C12orf54: variants seen among roughly 807,000 people sequenced by gnomAD.
C12orf54 encodes the protein chromosome 12 open reading frame 54.
Under a neutral mutation model 26.4 loss-of-function variants are expected in C12orf54, and 24 were observed. That is an observed-to-expected ratio of 0.91 (90% confidence interval 0.66 to 1.28). The LOEUF is 1.28. Ranked by LOEUF, C12orf54 falls within the 50% of genes most tolerant of loss-of-function variation. C12orf54 has a pLI of 0.00. For missense variants in C12orf54, 154 were observed against 150.9 expected, an observed-to-expected ratio of 1.02 and a Z score of -0.11; for synonymous variants, 54 against 47.0, an observed-to-expected ratio of 1.15 and a Z score of -0.61.
the C12orf54 span, among the ~76,000 whole-genome samples, chr12:48,451,013 A>G: frequency 6.6e-6 from 1 of 152,138 alleles, no homozygotes; most frequent in Admixed American, 6.5e-5. Flanking sequence ...AGCCTGGCAA[A>G]GATATTTAAA....
the C12orf54 span, among the ~76,000 whole-genome samples, chr12:48,419,401 T>A: frequency 6.6e-6 from 1 of 152,190 alleles, no homozygotes; most frequent in Non-Finnish European, 1.5e-5. Context: ...TTAAGACTTT[T>A]ATTTAGATAA....
chr12:48,485,081 A>T (rs771721346), intron 2 of C12orf54, among the ~76,000 whole-genome samples: 2 of 151,712 alleles, frequency 1.3e-5, no homozygotes, highest in African/African-American at 4.8e-5. Flanking sequence ...ATTTTATTTT[A>T]TTTATTTATT....
At chr12:48,486,143 C>T (rs775522769) in intron 2 of C12orf54, 35 bp from the exon 3 acceptor site, 16 of 1,585,344 alleles carry the variant, frequency 1.0e-5, no homozygotes, top group Non-Finnish European at 1.3e-5. Context: ...ACATTCTGTG[C>T]TCCTCATCAG....
intron 7 of C12orf54, among the ~76,000 whole-genome samples, chr12:48,493,579 C>T (rs1170210829): frequency 1.4e-5 from 2 of 143,394 alleles, no homozygotes; most frequent in Non-Finnish European, 3.0e-5. Flanking sequence ...CATGATCATG[C>T]CACTTCCCTC....
the C12orf54 span, among the ~76,000 whole-genome samples, chr12:48,416,789 G>A: frequency 6.6e-6 from 1 of 152,056 alleles, no homozygotes; most frequent in African/African-American, 2.4e-5. Flanking sequence ...TTGAACCCAG[G>A]AGGTGGGGGT....
At chr12:48,469,427 C>T in the C12orf54 span, among the ~76,000 whole-genome samples, 4 of 152,216 alleles carry the variant, frequency 2.6e-5, no homozygotes, top group Non-Finnish European at 4.4e-5. Context: ...CCCGGCCCCG[C>T]AGACAGTCAG....
the C12orf54 span, among the ~76,000 whole-genome samples, chr12:48,450,446 A>C: frequency 3.3e-5 from 5 of 152,164 alleles, no homozygotes; most frequent in Admixed American, 3.3e-4. Context: ...AGAGCAAACC[A>C]ACCCCAAAGC....
the C12orf54 span, among the ~76,000 whole-genome samples, chr12:48,426,340 G>C: frequency 2.6e-4 from 39 of 151,976 alleles, no homozygotes; most frequent in African/African-American, 9.4e-4. Context: ...ATTGAATTGG[G>C]GACCCTTTCT....
the C12orf54 span, among the ~76,000 whole-genome samples, chr12:48,425,889 A>G: frequency 6.7e-6 from 1 of 149,004 alleles, no homozygotes. Flanking sequence ...ATTGAAAAGT[A>G]TCGGTTCATA....
chr12:48,486,206 C>A lies in C12orf54; in HGVS notation c.94C>A (p.Gln32Lys). Residue 32 changes from glutamine to lysine, a missense_variant and splice_region_variant, in exon 3 of 9, where the codon CAG (glutamine) becomes AAG (lysine). Gln to Lys is a moderately conservative substitution (Grantham distance 53). Coordinates refer to ENST00000548364, the MANE Select transcript of C12orf54 (RefSeq NM_152319.4). ...STSIEETMRP[Q>K]EKQVTITETL... is the part of the protein sequence containing the mutation. ...ATCCATAGAAGAGACAATGAGACCA[C>A]AGGTGGGTAAGGTATCCAAATTCTC... 1 of 1,610,286 alleles carries A rather than the reference C, an allele frequency of 6.2e-7. No homozygotes were observed. The highest frequency in any genetic ancestry group is 1.1e-5 in the South Asian group (1 of 91,014).
At chr12:48,436,122 A>G in the C12orf54 span, among the ~76,000 whole-genome samples, 16,575 of 152,240 alleles carry the variant, frequency 0.11, 935 homozygotes, top group Middle Eastern at 0.13. Flanking sequence ...GTCTTGGATG[A>G]AACAGACTTT....
the C12orf54 span, among the ~76,000 whole-genome samples, chr12:48,415,973 G>A: frequency 6.6e-6 from 1 of 152,086 alleles, no homozygotes; most frequent in Admixed American, 6.5e-5. Context: ...CATCTACTCA[G>A]TTGCCCAAGA....
the C12orf54 span, among the ~76,000 whole-genome samples, chr12:48,468,443 A>G: frequency 6.6e-6 from 1 of 152,288 alleles, no homozygotes; most frequent in East Asian, 1.9e-4. Context: ...GAGGGAACAC[A>G]GGGTTTTGAG....
At position 48,482,553 on chromosome 12, in the gene C12orf54, G is replaced by GA. The variant is rs1459913492; in HGVS notation, c.-81_-80insA. On this transcript the variant is annotated 5_prime_UTR_variant, in exon 1 of 9. The change creates a new upstream start codon in the 5' untranslated region. Transcript: ENST00000548364. ...TCTAGGGGTGAAGGAGTGGGGCAAA[G>GA]TGTAATTTGGGGAACCAAGCAGGGT... is the stretch of plus-strand genomic sequence containing the variant. 6.6e-6 allele frequency: 1 copy of GA among 152,192 alleles called. No individual in the cohort carries two copies. Among genetic ancestry groups the GA allele is most frequent in the African/African-American group, 2.4e-5 (1 of 41,424 alleles). The allele number at this position is 152,192 out of a possible 1,614,324, so 9.4% of individuals were successfully genotyped here. A position where few individuals can be genotyped will look rare whatever the true frequency, so the allele number is the denominator to read the frequency against.
In C12orf54 at chr12:48,483,435, G is replaced by GTCT. The variant is rs1430812294; in HGVS notation, c.65+78_65+80dup. The GTCT allele has an allele frequency of 2.1e-6, 3 of 1,402,736 alleles. No individual in the cohort carries two copies. In the East Asian group the frequency reaches 7.0e-5, roughly 33 times the overall value. The allele number at this position is 1,402,736 out of a possible 1,614,324, so 86.9% of individuals were successfully genotyped here. A position where few individuals can be genotyped will look rare whatever the true frequency, so the allele number is the denominator to read the frequency against. On this transcript the variant is annotated intron_variant, in intron 2 of 8. Transcript: ENST00000548364. Reference sequence around the variant, plus strand: ...TATGGGAGAAGAACCAGGGCCTCCTGTCTTCTATGGCTCTTCATTTGGCTT... The same window carrying GTCT: ...TATGGGAGAAGAACCAGGGCCTCCTGTCTTCTTCTATGGCTCTTCATTTGGCTT...
chr12:48,494,768 A>G, intron 7 of C12orf54, 30 bp from the exon 8 acceptor site: 2 of 1,608,104 alleles, frequency 1.2e-6, no homozygotes, highest in Non-Finnish European at 1.7e-6. Context: ...TCTTTCCCTC[A>G]TGTCTACAAC....
chr12:48,484,047 T>C (rs1954229763), intron 2 of C12orf54, among the ~76,000 whole-genome samples: 1 of 152,082 alleles, frequency 6.6e-6, no homozygotes, highest in Admixed American at 6.6e-5. Context: ...TACAAAAAAT[T>C]AGCTGGGTGT....
the C12orf54 span, among the ~76,000 whole-genome samples, chr12:48,417,891 G>T: frequency 6.6e-6 from 1 of 152,090 alleles, no homozygotes; most frequent in Non-Finnish European, 1.5e-5. Context: ...AGTTGCATCC[G>T]TGTTACTACA....
chr12:48,481,036 C>A (rs921819951), upstream of C12orf54, among the ~76,000 whole-genome samples: 15 of 139,606 alleles, frequency 1.1e-4, no homozygotes, highest in Non-Finnish European at 2.3e-4. Flanking sequence ...AAGATGGGAA[C>A]AATAGACTCC....
Sources: allele counts gnomAD v4.1 joint callset (sites outside exome capture counted in the v4.1 genomes callset), GRCh38; gene constraint gnomAD v4.1.1; transcripts MANE v1.5; gene names NCBI Gene and HGNC (gene_info 2026-07-23, HGNC 2026-07-21).